The following NPSR1 variants were observed in gnomAD, a reference collection of about 807,000 sequenced individuals.
The protein encoded by NPSR1 is neuropeptide S receptor 1, also known as neuropeptide S receptor.
In NPSR1, 48 loss-of-function variants were observed where a neutral mutation model predicts 46.9. The observed-to-expected ratio is 1.02, with a 90% confidence interval of 0.81 to 1.30. The LOEUF (loss-of-function observed/expected upper bound fraction) is 1.30, where lower values mean the gene tolerates loss of function less well. Among genes scored for constraint, NPSR1 ranks in the 50% most tolerant of loss-of-function variants. The pLI is 0.00. For synonymous variants in NPSR1, 176 were observed against 168.1 expected (o/e 1.05, Z -0.36); for missense variants, 450 against 449.5 (o/e 1.00, Z -0.01).
intron 4 of NPSR1, among the ~76,000 whole-genome samples, chr7:34,813,409 C>T (rs1448263417): frequency 6.6e-6 from 1 of 152,158 alleles, no homozygotes; most frequent in Admixed American, 6.5e-5. Flanking sequence ...CTAGTAAGTG[C>T]AGGAACAGGA....
intron 2 of NPSR1, among the ~76,000 whole-genome samples, chr7:34,734,194 A>T (rs956989060): frequency 6.6e-6 from 1 of 152,226 alleles, no homozygotes; most frequent in Middle Eastern, 3.2e-3. Flanking sequence ...GATATTAGAG[A>T]TGGCTGAAGA....
rs190752280 is a variant in NPSR1 at position 34,750,793 on chromosome 7, C to T, written c.281-27669C>T. 2.2e-5 allele frequency: 15 copies of T among 694,522 alleles called. No homozygotes were observed. The African/African-American group carries it at 2.5e-4, about 11-fold the overall frequency. The allele number at this position is 694,522 out of a possible 1,614,324, so 43.0% of individuals were successfully genotyped here. ...CACAGTAGGCCAGGTCCTGCTGCAC[C>T]TGCTCAGTTTAGGCTGTGTGGAACC... On this transcript the variant is annotated intron_variant, in intron 2 of 8. Transcript: ENST00000360581.
At chr7:34,848,347 A>C in intron 7 of NPSR1, 136 bp from the exon 8 acceptor site, 2 of 722,936 alleles carry the variant, frequency 2.8e-6, no homozygotes, top group African/African-American at 3.5e-5. Context: ...AATGCTCCAA[A>C]CAACATCAAA....
intron 1 of NPSR1, among the ~76,000 whole-genome samples, chr7:34,669,813 A>G (rs1467778376): frequency 3.9e-5 from 6 of 152,210 alleles, no homozygotes; most frequent in African/African-American, 1.4e-4. Flanking sequence ...TAGCTGGTAG[A>G]TGGTAGAGTC....
At chr7:34,806,112 A>C (rs1424583738) in intron 3 of NPSR1, among the ~76,000 whole-genome samples, 3 of 152,104 alleles carry the variant, frequency 2.0e-5, no homozygotes, top group Admixed American at 6.5e-5. Flanking sequence ...ACTTTGGAAG[A>C]TAATTTAGCA....
intron 1 of NPSR1, among the ~76,000 whole-genome samples, chr7:34,662,068 AGG>A (rs1435187659): frequency 6.6e-6 from 1 of 152,180 alleles, no homozygotes. Flanking sequence ...AGTAACTGGG[AGG>A]GAGACCTGTC....
chr7:34,714,114 T>C (rs1232542551), intron 2 of NPSR1, among the ~76,000 whole-genome samples: 2 of 152,266 alleles, frequency 1.3e-5, no homozygotes, highest in Non-Finnish European at 2.9e-5. Flanking sequence ...AGCTGTCCGC[T>C]GGAAGTCTGG....
chr7:34,663,710 G>A (rs1008329295), intron 1 of NPSR1, among the ~76,000 whole-genome samples: 2 of 152,104 alleles, frequency 1.3e-5, no homozygotes, highest in African/African-American at 2.4e-5. Flanking sequence ...CGCCCTCAGC[G>A]ACCCCCCTGT....
intron 2 of NPSR1, chr7:34,703,733 A>G (rs1793964564): frequency 6.6e-6 from 1 of 152,616 alleles, no homozygotes; most frequent in African/African-American, 2.4e-5. Flanking sequence ...TAATTCTTAG[A>G]ATTTCCATTC....
intron 6 of NPSR1, among the ~76,000 whole-genome samples, chr7:34,835,214 G>C (rs540209036): frequency 2.0e-5 from 3 of 152,164 alleles, no homozygotes; most frequent in Non-Finnish European, 4.4e-5. Flanking sequence ...GCTCCGCTCA[G>C]CTTCCACACC....
At chr7:34,773,095 G>A (rs1197901413) in intron 2 of NPSR1, among the ~76,000 whole-genome samples, 1 of 152,138 alleles carries the variant, frequency 6.6e-6, no homozygotes, top group East Asian at 1.9e-4. Context: ...TGGGTCAATG[G>A]GAGTGATGTT....
At chr7:34,770,392 A>G (rs1786623598) in intron 2 of NPSR1, among the ~76,000 whole-genome samples, 1 of 152,148 alleles carries the variant, frequency 6.6e-6, no homozygotes, top group Non-Finnish European at 1.5e-5. Context: ...TTCCTCTCCA[A>G]GCTTTTGACA....
chr7:34,848,553 C>G lies in NPSR1; in HGVS notation c.915C>G (p.Thr305=). 10 of 1,614,132 alleles carry G rather than the reference C, an allele frequency of 6.2e-6. No individual in the cohort carries two copies. Among genetic ancestry groups the G allele is most frequent in the Non-Finnish European group, 8.5e-6 (10 of 1,179,986 alleles). The change falls in exon 8 of 9, where the codon ACC becomes ACG. Residue 305 remains threonine, a synonymous_variant. Coordinates refer to ENST00000360581, the MANE Select transcript of NPSR1 (RefSeq NM_207172.2). ...ILDNFNLLPD[T]QERFYASVII... The stretch of plus-strand genomic sequence containing the variant: ...ACAATTTCAACCTCCTTCCAGACAC[C>G]CAGGAGCGTTTCTATGCCTCTGTGA...
rs115708178 is a variant in NPSR1, at chr7:34,724,929, C to G, written c.280+40245C>G. 7.6e-3 allele frequency among the ~76,000 whole-genome samples: 1,149 copies of G among 152,012 alleles called. 13 individuals are homozygous for G. Among genetic ancestry groups the G allele is most frequent in the African/African-American group, 0.026 (1,089 of 41,454 alleles). ...TTGGAAAAGAGTGATTAAATAAAAC[C>G]GCAAATGTCTGTGCCTGTGGGGTGA... is the stretch of plus-strand genomic sequence containing the variant. On this transcript the variant is annotated intron_variant, in intron 2 of 8. Coordinates refer to ENST00000360581, the MANE Select transcript of NPSR1 (RefSeq NM_207172.2).
At chr7:34,662,986 A>G (rs1042259292) in intron 1 of NPSR1, among the ~76,000 whole-genome samples, 1 of 149,844 alleles carries the variant, frequency 6.7e-6, no homozygotes, top group Non-Finnish European at 1.5e-5. Context: ...GAGTTTTCAC[A>G]TTTTCTGGCT....
chr7:34,840,465 T>G (rs1790521393), intron 6 of NPSR1, among the ~76,000 whole-genome samples: 1 of 147,170 alleles, frequency 6.8e-6, no homozygotes, highest in Non-Finnish European at 1.5e-5. Flanking sequence ...GCTCCTGGAA[T>G]AGCACAGCAC....
At chr7:34,671,521 CAT>C (rs1212221412) in intron 1 of NPSR1, among the ~76,000 whole-genome samples, 5 of 152,148 alleles carry the variant, frequency 3.3e-5, no homozygotes, top group Non-Finnish European at 2.9e-5. Flanking sequence ...CCAGAGAGCA[CAT>C]TAAAGGATCC....
At chr7:34,764,979 A>T (rs973744487) in intron 2 of NPSR1, among the ~76,000 whole-genome samples, 2 of 152,134 alleles carry the variant, frequency 1.3e-5, no homozygotes, top group Non-Finnish European at 2.9e-5. Context: ...ATTACAGCAA[A>T]ACAGGCACAG....
intron 1 of NPSR1, among the ~76,000 whole-genome samples, chr7:34,658,914 AGCTATGAGTTTTTTGCTAGG>A (rs1791319019): frequency 6.6e-6 from 1 of 152,142 alleles, no homozygotes; most frequent in South Asian, 2.1e-4. Context: ...TAGGGGTTAG[AGCTATGAGTTTTTTGCTAGG>A]AACACCAGAG....
Sources: gnomAD v4.1 joint callset for allele counts (sites outside exome capture counted in the v4.1 genomes callset) on GRCh38, gnomAD v4.1.1 for gene constraint, MANE v1.5 for transcripts, NCBI Gene and HGNC (gene_info 2026-07-23, HGNC 2026-07-21) for gene names.